The following TBXAS1 variants were observed in gnomAD, a reference collection of about 807,000 sequenced individuals.
TBXAS1 encodes thromboxane A synthase 1, also known as thromboxane-A synthase.
A neutral mutation model predicts 60.7 loss-of-function variants in TBXAS1; 48 were observed. The observed-to-expected ratio is 0.79, with a 90% CI of 0.63 to 1.01. The LOEUF (loss-of-function observed/expected upper bound fraction) is 1.01. TBXAS1 is among the 50% of genes least tolerant of loss of function. TBXAS1 has a pLI of 0.00. For synonymous variants in TBXAS1, 287 were observed against 269.7 expected, an observed-to-expected ratio of 1.06 and a Z score of -0.63; for missense variants, 685 against 686.3, an observed-to-expected ratio of 1.00 and a Z score of 0.02.
chr7:139,823,521 C>G (rs1798354761), intron 4 of TBXAS1, among the ~76,000 whole-genome samples: 1 of 152,062 alleles, frequency 6.6e-6, no homozygotes, highest in Non-Finnish European at 1.5e-5. Flanking sequence ...CCCCTAATAT[C>G]TTTTGTAAGG....
intron 4 of TBXAS1, among the ~76,000 whole-genome samples, chr7:139,912,630 C>T (rs1272065575): frequency 6.6e-6 from 1 of 152,134 alleles, no homozygotes; most frequent in Non-Finnish European, 1.5e-5. Context: ...GGAAAGGGAC[C>T]AGCACAATGC....
At chr7:139,849,176 C>T (rs745960374) in intron 1 of TBXAS1, among the ~76,000 whole-genome samples, 4 of 151,860 alleles carry the variant, frequency 2.6e-5, no homozygotes, top group South Asian at 2.1e-4. Flanking sequence ...CAGGAATTCT[C>T]GAGACCAGCC....
Position 139,961,894 on chromosome 7 carries a change from G to C in TBXAS1, c.820-25G>C, listed in dbSNP as rs373523415. 2.5e-6 allele frequency: 4 copies of C among 1,613,916 alleles called. No homozygotes were observed. In the South Asian group the frequency reaches 4.4e-5, roughly 18 times the overall value. ...CTTCATGACTGTAAGGTCAAAATGTGCATTTTTCTCCTTTTGTTCCTTAGA... is the reference window on the plus strand; with the variant it reads ...CTTCATGACTGTAAGGTCAAAATGTCCATTTTTCTCCTTTTGTTCCTTAGA... On this transcript the variant is annotated intron_variant, in intron 8 of 12. Coordinates refer to ENST00000448866, the MANE Select transcript of TBXAS1 (RefSeq NM_001061.7).
chr7:139,972,973 C>A (rs568267108), intron 9 of TBXAS1, among the ~76,000 whole-genome samples: 1 of 151,932 alleles, frequency 6.6e-6, no homozygotes. Flanking sequence ...GTAGATAAAG[C>A]CTGTGAGTTA....
chr7:139,889,228 G>A (rs1803362166), intron 3 of TBXAS1, among the ~76,000 whole-genome samples: 1 of 151,924 alleles, frequency 6.6e-6, no homozygotes, highest in Non-Finnish European at 1.5e-5. Flanking sequence ...CAAGTACTTT[G>A]GAGGCTGAGA....
chr7:139,815,964 A>T (rs1465997855), intron 4 of TBXAS1, among the ~76,000 whole-genome samples: 1 of 152,144 alleles, frequency 6.6e-6, no homozygotes, highest in East Asian at 1.9e-4. Flanking sequence ...CCCCACCCAA[A>T]TCTCATCTCG....
intron 4 of TBXAS1, among the ~76,000 whole-genome samples, chr7:139,924,803 G>C (rs1295651704): frequency 6.6e-6 from 1 of 152,190 alleles, no homozygotes; most frequent in African/African-American, 2.4e-5. Flanking sequence ...TCAGATTTAA[G>C]TCTTTAATCC....
At chr7:139,934,874 G>T (rs367669677) in intron 4 of TBXAS1, among the ~76,000 whole-genome samples, 1 of 152,002 alleles carries the variant, frequency 6.6e-6, no homozygotes, top group African/African-American at 2.4e-5. Flanking sequence ...GTGCAGTGGC[G>T]CAATCTCAGC....
chr7:139,843,621 G>A (rs1036988263), intron 1 of TBXAS1, among the ~76,000 whole-genome samples: 4 of 152,172 alleles, frequency 2.6e-5, no homozygotes, highest in African/African-American at 4.8e-5. Flanking sequence ...GGGATTACAG[G>A]CATGAGCCAC....
In TBXAS1 at chr7:139,838,771, C is replaced by T. The variant is rs563841837; in HGVS notation, c.89+9292C>T. Among the ~76,000 whole-genome samples the T allele has an allele frequency of 2.5e-4, 38 of 152,266 alleles. No individual in the cohort carries two copies. In the South Asian group the frequency reaches 6.0e-3, roughly 24 times the overall value. On this transcript the variant is annotated intron_variant, in intron 1 of 12. Transcript: ENST00000448866. Reference sequence around the variant, plus strand: ...TCCATGATGATCATTTGATTTAAACCGACCAGTGTGTGGCTGAGCTCTGTG... The same window carrying T: ...TCCATGATGATCATTTGATTTAAACTGACCAGTGTGTGGCTGAGCTCTGTG...
At chr7:139,984,618 G>C (rs67769208) in intron 9 of TBXAS1, among the ~76,000 whole-genome samples, 25 of 78,326 alleles carry the variant, frequency 3.2e-4, no homozygotes, top group Non-Finnish European at 5.9e-4. Flanking sequence ...GAAAGAAAGA[G>C]AGAGAGAGAG....
At chr7:139,849,672 G>T (rs774421890) in intron 1 of TBXAS1, among the ~76,000 whole-genome samples, 7 of 152,180 alleles carry the variant, frequency 4.6e-5, no homozygotes, top group East Asian at 1.9e-4. Context: ...GAAGGGCAAA[G>T]AATTGATCTG....
intron 1 of TBXAS1, among the ~76,000 whole-genome samples, chr7:139,864,019 G>T (rs577356834): frequency 3.3e-5 from 5 of 152,186 alleles, no homozygotes; most frequent in African/African-American, 1.2e-4. Flanking sequence ...TCAAGAACAA[G>T]AAAAGGATGC....
rs1018131869 is a variant in TBXAS1, at chr7:139,806,313, A to C, written c.-80+18887A>C. 2.1e-4 allele frequency among the ~76,000 whole-genome samples: 32 copies of C among 150,048 alleles called. No homozygotes were observed. The Admixed American group carries it at 2.1e-3, about 10-fold the overall frequency. ...GGTCTCACTCTGTCACTCAGTCTGG[A>C]GTGCAGTGGCACAATCTTGGCTCAC... On this transcript the variant is annotated intron_variant, in intron 4 of 16. Coordinates refer to the TBXAS1 transcript ENST00000336425.
chr7:139,968,062 C>CA (rs1226148070), intron 9 of TBXAS1, among the ~76,000 whole-genome samples: 5 of 152,200 alleles, frequency 3.3e-5, no homozygotes, highest in Non-Finnish European at 5.9e-5. Context: ...GTGAAAATGT[C>CA]AGGCATGAAA....
At chr7:139,857,834 G>A (rs1238390680) in intron 1 of TBXAS1, among the ~76,000 whole-genome samples, 1 of 151,434 alleles carries the variant, frequency 6.6e-6, no homozygotes, top group African/African-American at 2.4e-5. Context: ...GGGCTCAAGT[G>A]ATCCTCCTGC....
intron 2 of TBXAS1, among the ~76,000 whole-genome samples, chr7:139,873,764 A>C (rs753015772): frequency 2.0e-5 from 3 of 152,102 alleles, no homozygotes; most frequent in Non-Finnish European, 4.4e-5. Flanking sequence ...TTTTTCTCAC[A>C]TTGGGTTTTC....
chr7:139,797,189 C>T (rs2116340659), intron 4 of TBXAS1: 1 of 152,302 alleles, frequency 6.6e-6, no homozygotes, highest in East Asian at 1.9e-4. Context: ...TCTTCTTTGT[C>T]TGTTTTTGTA....
chr7:140,012,591 AG>A (rs1395511399), intron 10 of TBXAS1, among the ~76,000 whole-genome samples: 1 of 151,800 alleles, frequency 6.6e-6, no homozygotes, highest in African/African-American at 2.4e-5. Context: ...CCTGAGTAGC[AG>A]GGACTACAGG....
Sources: allele counts gnomAD v4.1 joint callset (sites outside exome capture counted in the v4.1 genomes callset), GRCh38; gene constraint gnomAD v4.1.1; transcripts MANE v1.5; gene names NCBI Gene and HGNC (gene_info 2026-07-23, HGNC 2026-07-21).